The following XPR1 variants were observed in gnomAD, a reference collection of about 807,000 sequenced individuals.
XPR1 encodes the protein solute carrier family 53 member 1.
XPR1 carries 28 observed loss-of-function variants against 87.5 expected under a neutral mutation model. That is an observed-to-expected ratio of 0.32 (90% CI 0.24 to 0.44). The LOEUF (loss-of-function observed/expected upper bound fraction) is 0.44, where lower values mean the gene tolerates loss of function less well. Ranked by LOEUF, XPR1 falls within the 20% of genes least tolerant of loss-of-function variation. The pLI is 1.00. For synonymous variants in XPR1, 300 were observed against 306.1 expected (o/e 0.98, Z 0.21); for missense variants, 559 against 862.3 (o/e 0.65, Z 4.41).
intron 11 of XPR1, among the ~76,000 whole-genome samples, chr1:180,853,793 T>G (rs911981355): frequency 2.6e-4 from 21 of 81,844 alleles, no homozygotes; most frequent in African/African-American, 8.2e-4. Flanking sequence ...TTCATGTGGT[T>G]TTTTTTTTTT....
intron 11 of XPR1, among the ~76,000 whole-genome samples, chr1:180,850,285 G>C (rs1236100296): frequency 6.6e-6 from 1 of 152,188 alleles, no homozygotes; most frequent in Non-Finnish European, 1.5e-5. Context: ...TACTGGTGTA[G>C]AATATTGGCA....
intron 2 of XPR1, among the ~76,000 whole-genome samples, chr1:180,710,852 CG>C (rs1175881500): frequency 6.6e-6 from 1 of 150,716 alleles, no homozygotes; most frequent in Non-Finnish European, 1.5e-5. Context: ...CCCTCCCGAA[CG>C]GGGCAGCTGG....
At chr1:180,788,899 T>C (rs1051879724) in intron 3 of XPR1, among the ~76,000 whole-genome samples, 3 of 152,150 alleles carry the variant, frequency 2.0e-5, no homozygotes, top group Non-Finnish European at 4.4e-5. Flanking sequence ...TTTCGGATGA[T>C]TTTTTTCCTG....
chr1:180,655,374 A>T (rs1326748150), intron 1 of XPR1, among the ~76,000 whole-genome samples: 2 of 147,548 alleles, frequency 1.4e-5, no homozygotes, highest in Non-Finnish European at 3.0e-5. Flanking sequence ...TTGCTTTTCA[A>T]TTCTGTTGAT....
At chr1:180,681,305 T>C (rs1656571145) in intron 1 of XPR1, among the ~76,000 whole-genome samples, 1 of 152,226 alleles carries the variant, frequency 6.6e-6, no homozygotes, top group Non-Finnish European at 1.5e-5. Context: ...TATTGAAATA[T>C]CACTGTGTAC....
At chr1:180,747,406 G>A (rs1296332465) in intron 2 of XPR1, among the ~76,000 whole-genome samples, 2 of 152,012 alleles carry the variant, frequency 1.3e-5, no homozygotes, top group Non-Finnish European at 2.9e-5. Flanking sequence ...CTAATACATT[G>A]TTTATTTGTA....
chr1:180,639,981 G>A (rs1427350503), intron 1 of XPR1, among the ~76,000 whole-genome samples: 1 of 152,154 alleles, frequency 6.6e-6, no homozygotes, highest in Admixed American at 6.5e-5. Flanking sequence ...TAGCAGAAGT[G>A]TGGTAAGCTT....
chr1:180,863,644 T>C (rs1309103549), intron 11 of XPR1, 64 bp from the exon 12 acceptor site: 2 of 1,430,804 alleles, frequency 1.4e-6, no homozygotes, highest in African/African-American at 1.4e-5. Context: ...ATTAGTGTTA[T>C]TAATGAAAAA....
chr1:180,648,781 T>TAG (rs754228398), intron 1 of XPR1, among the ~76,000 whole-genome samples: 4 of 152,306 alleles, frequency 2.6e-5, no homozygotes, highest in Non-Finnish European at 4.4e-5. Flanking sequence ...GTGCTGGAAT[T>TAG]ACAGGTGTAA....
chr1:180,748,398 G>GTTTTTTTTTTTTTTT (rs1647361887), intron 2 of XPR1, among the ~76,000 whole-genome samples: 1 of 56,076 alleles, frequency 1.8e-5, no homozygotes, highest in African/African-American at 5.5e-5. Flanking sequence ...TATTATTTAT[G>GTTTTTTTTTTTTTTT]TCTTTTTTTT....
chr1:180,699,308 C>T (rs2101968359), intron 2 of XPR1, among the ~76,000 whole-genome samples: 1 of 124,824 alleles, frequency 8.0e-6, no homozygotes, highest in African/African-American at 3.1e-5. Flanking sequence ...TGGTGCGCTG[C>T]ACCCACTAAC....
chr1:180,652,149 A>C (rs2101905090), intron 1 of XPR1, among the ~76,000 whole-genome samples: 1 of 152,208 alleles, frequency 6.6e-6, no homozygotes, highest in African/African-American at 2.4e-5. Context: ...AAAATTAGCC[A>C]GGTGTGGTGG....
Position 180,863,848 on chromosome 1 carries a change from C to A in XPR1, c.1642C>A (p.Arg548=). 1 of 1,602,306 alleles carries A rather than the reference C, an allele frequency of 6.2e-7. No homozygotes were observed. Among genetic ancestry groups the A allele is most frequent in the Non-Finnish European group, 8.5e-7 (1 of 1,176,392 alleles). ...DKNAGENTFL[R]EEIVYPQKAY... ...GAATGCTGGAGAGAACACTTTCCTCCGGGAAGAGATTGTATACCCCCAAAA... is the reference window on the plus strand; with the variant it reads ...GAATGCTGGAGAGAACACTTTCCTCAGGGAAGAGATTGTATACCCCCAAAA... Residue 548 remains arginine (R), a synonymous_variant, in exon 12 of 15, where the codon CGG becomes AGG. Coordinates refer to ENST00000367590, the MANE Select transcript of XPR1 (RefSeq NM_004736.4).
intron 2 of XPR1, among the ~76,000 whole-genome samples, chr1:180,784,003 C>T (rs551044790): frequency 6.6e-5 from 10 of 151,670 alleles, no homozygotes; most frequent in East Asian, 1.9e-4. Context: ...TGCAGTGAGC[C>T]GAGATCATGC....
chr1:180,885,316 G>A lies in XPR1; in HGVS notation c.*1250G>A, dbSNP rs1355441069. The stretch of plus-strand genomic sequence containing the variant: ...AAGACCTTGGCAGCCATTTCTCCCA[G>A]CAGTTTTAAAGGATGAACATTGGAT... On this transcript the variant is annotated 3_prime_UTR_variant, in exon 15 of 15. Transcript: ENST00000367590. The A allele has an allele frequency of 6.6e-6, 1 of 152,586 alleles. No individual in the cohort carries two copies. The highest frequency in any genetic ancestry group is 1.5e-5 in the Non-Finnish European group (1 of 68,034). 9.5% of individuals were successfully genotyped at this position (152,586 alleles called of 1,614,324 possible). A position where few individuals can be genotyped will look rare whatever the true frequency, so the allele number is the denominator to read the frequency against.
Position 180,686,923 on chromosome 1 carries a change from T to G in XPR1, c.121+4512T>G, listed in dbSNP as rs12043745. On this transcript the variant is annotated intron_variant, in intron 2 of 14. Transcript: ENST00000367590. ...CGTGTAAAAATCTCTTGCCTTATAT[T>G]AAGTCAGGAATTGGCATTTAGTTTC... is the stretch of plus-strand genomic sequence containing the variant. Among the ~76,000 whole-genome samples, 3,387 of 152,254 alleles carry G rather than the reference T, an allele frequency of 0.022. 423 individuals are homozygous for G. The East Asian group carries it at 0.37, about 17-fold the overall frequency.
Position 180,692,733 on chromosome 1 carries a change from T to A in XPR1, c.121+10322T>A, listed in dbSNP as rs555645406. On this transcript the variant is annotated intron_variant, in intron 2 of 14. Coordinates refer to ENST00000367590, the MANE Select transcript of XPR1 (RefSeq NM_004736.4). The stretch of plus-strand genomic sequence containing the variant: ...TTTGATTTGAAGAAATATCTACTTC[T>A]TTTTCACAGAAAGAGAATTAGATCT... Among the ~76,000 whole-genome samples, 15 of 152,278 alleles carry A rather than the reference T, an allele frequency of 9.9e-5. No individual in the cohort carries two copies. The East Asian group carries it at 2.9e-3, about 29-fold the overall frequency.
chr1:180,818,981 T>C (rs1558023645), intron 7 of XPR1, among the ~76,000 whole-genome samples: 1 of 152,158 alleles, frequency 6.6e-6, no homozygotes, highest in African/African-American at 2.4e-5. Context: ...ACAGGGTCTC[T>C]CTCTGTTGCC....
rs1205037869 is a variant in XPR1 at position 180,695,408 on chromosome 1, T to TTGTGTGTGTGTGTG, written c.121+13017_121+13030dup. Among the ~76,000 whole-genome samples, 724 of 148,524 alleles carry TTGTGTGTGTGTGTG rather than the reference T, an allele frequency of 4.9e-3. 9 individuals are homozygous for TTGTGTGTGTGTGTG. The highest frequency in any genetic ancestry group is 0.012 in the African/African-American group (502 of 40,606). ...GCCTTTTAGTTTAATGTAGTCCCATTTGTGTGTGTGTGTGTGTGTGTGTGT... is the reference window on the plus strand; with the variant it reads ...GCCTTTTAGTTTAATGTAGTCCCATTTGTGTGTGTGTGTGTGTGTGTGTGTGTGTGTGTGTGTGT... On this transcript the variant is annotated intron_variant, in intron 2 of 14. Transcript: ENST00000367590.
Sources: allele counts gnomAD v4.1 joint callset (sites outside exome capture counted in the v4.1 genomes callset), GRCh38; gene constraint gnomAD v4.1.1; transcripts MANE v1.5; gene names NCBI Gene and HGNC (gene_info 2026-07-23, HGNC 2026-07-21).